The following ADAMTS18 variants were observed in gnomAD, a reference collection of about 807,000 sequenced individuals.
The protein encoded by ADAMTS18 is A disintegrin and metalloproteinase with thrombospondin motifs 18.
ADAMTS18 carries 157 observed loss-of-function variants against 165.9 expected under a neutral mutation model. That is an observed-to-expected ratio of 0.95 (90% confidence interval 0.83 to 1.08). The LOEUF (loss-of-function observed/expected upper bound fraction) is 1.08. Ranked by LOEUF, ADAMTS18 falls within the 50% of genes least tolerant of loss-of-function variation. ADAMTS18 has a pLI of 0.00. For synonymous variants in ADAMTS18, 782 were observed against 578.2 expected (o/e 1.35, Z -5.06); for missense variants, 2,040 against 1,534.0 (o/e 1.33, Z -5.51).
chr16:77,394,534 GTGTGA>G (rs1452393906), intron 3 of ADAMTS18, among the ~76,000 whole-genome samples: 15 of 152,140 alleles, frequency 9.9e-5, no homozygotes, highest in Non-Finnish European at 1.8e-4. Flanking sequence ...TTAGAAATTT[GTGTGA>G]AAAGGAAGTG....
intron 10 of ADAMTS18, among the ~76,000 whole-genome samples, chr16:77,351,142 G>C (rs369454863): frequency 1.9e-4 from 29 of 152,270 alleles, no homozygotes; most frequent in African/African-American, 6.5e-4. Flanking sequence ...GTGGCCATGG[G>C]TTCAAGTTAT....
intron 16 of ADAMTS18, among the ~76,000 whole-genome samples, chr16:77,306,941 C>G (rs962078140): frequency 6.6e-6 from 1 of 152,140 alleles, no homozygotes; most frequent in Admixed American, 6.5e-5. Context: ...TTTGAAACAC[C>G]AAGCCCAGGA....
intron 16 of ADAMTS18, among the ~76,000 whole-genome samples, chr16:77,309,959 T>G (rs1028569871): frequency 1.3e-5 from 2 of 152,240 alleles, no homozygotes; most frequent in Admixed American, 6.5e-5. Flanking sequence ...TTCATTACTT[T>G]AAATGCTATT....
At chr16:77,296,886 A>C (rs2055483844) in intron 18 of ADAMTS18, among the ~76,000 whole-genome samples, 1 of 152,232 alleles carries the variant, frequency 6.6e-6, no homozygotes, top group Non-Finnish European at 1.5e-5. Flanking sequence ...ATAGCCAGTA[A>C]ATTTATTCCT....
chr16:77,408,917 C>T (rs1290129686), intron 3 of ADAMTS18, among the ~76,000 whole-genome samples: 1 of 152,000 alleles, frequency 6.6e-6, no homozygotes, highest in African/African-American at 2.4e-5. Context: ...TTATAAGATA[C>T]ATTGAGAGAA....
At chr16:77,288,108 G>A (rs1027331361) in intron 22 of ADAMTS18, among the ~76,000 whole-genome samples, 6 of 152,054 alleles carry the variant, frequency 3.9e-5, no homozygotes, top group African/African-American at 1.2e-4. Context: ...GCCCATTGTG[G>A]TATTAGGTGC....
intron 3 of ADAMTS18, among the ~76,000 whole-genome samples, chr16:77,375,703 T>C (rs1385422330): frequency 1.3e-5 from 2 of 152,162 alleles, no homozygotes; most frequent in Non-Finnish European, 2.9e-5. Context: ...AGGAAAGGCC[T>C]GGATTCATCG....
At chr16:77,339,082 C>G (rs1052404006) in intron 11 of ADAMTS18, among the ~76,000 whole-genome samples, 6 of 151,966 alleles carry the variant, frequency 3.9e-5, no homozygotes, top group Non-Finnish European at 8.8e-5. Flanking sequence ...GTTCCAGTTA[C>G]AGAGAAACAA....
At chr16:77,370,087 AATAAAGGCC>A (rs1156457853) in intron 3 of ADAMTS18, among the ~76,000 whole-genome samples, 2 of 152,214 alleles carry the variant, frequency 1.3e-5, no homozygotes, top group African/African-American at 2.4e-5. Flanking sequence ...ATCTCAACAC[AATAAAGGCC>A]ATATATGACA....
chr16:77,298,300 T>A (rs1030968391), intron 17 of ADAMTS18, among the ~76,000 whole-genome samples: 12 of 152,190 alleles, frequency 7.9e-5, no homozygotes, highest in African/African-American at 1.9e-4. Flanking sequence ...TATATTTTTT[T>A]AAAAATGTGT....
chr16:77,345,085 A>T (rs1336739006), intron 10 of ADAMTS18, among the ~76,000 whole-genome samples: 3 of 152,192 alleles, frequency 2.0e-5, no homozygotes, highest in Admixed American at 2.0e-4. Flanking sequence ...ACTAGGCAAC[A>T]TTTTAAAGGA....
At chr16:77,358,383 G>C (rs943156069) in intron 8 of ADAMTS18, among the ~76,000 whole-genome samples, 4 of 152,154 alleles carry the variant, frequency 2.6e-5, no homozygotes, top group Middle Eastern at 3.2e-3. Flanking sequence ...CCAACATGGT[G>C]AAACCTCATC....
At chr16:77,383,142 C>T (rs13332200) in intron 3 of ADAMTS18, among the ~76,000 whole-genome samples, 42,026 of 151,832 alleles carry the variant, frequency 0.28, 6,324 homozygotes, top group East Asian at 0.57. Context: ...TCATGTATTG[C>T]CCCAAGCCTA....
intron 3 of ADAMTS18, among the ~76,000 whole-genome samples, chr16:77,410,718 A>C (rs745794473): frequency 6.6e-6 from 1 of 152,160 alleles, no homozygotes; most frequent in Non-Finnish European, 1.5e-5. Flanking sequence ...GTATAAGAAC[A>C]ATAAAATTGA....
At chr16:77,418,607 G>A (rs572369158) in intron 3 of ADAMTS18, among the ~76,000 whole-genome samples, 3 of 152,102 alleles carry the variant, frequency 2.0e-5, no homozygotes, top group Non-Finnish European at 4.4e-5. Context: ...ACCAATGCCC[G>A]ACTGAGAAAC....
chr16:77,339,253 T>C (rs2056361421), intron 11 of ADAMTS18, among the ~76,000 whole-genome samples: 1 of 152,112 alleles, frequency 6.6e-6, no homozygotes, highest in Non-Finnish European at 1.5e-5. Context: ...TAATAATCAT[T>C]ACACGGGAGT....
intron 3 of ADAMTS18, among the ~76,000 whole-genome samples, chr16:77,384,296 T>C (rs1245090479): frequency 6.6e-6 from 1 of 152,218 alleles, no homozygotes; most frequent in Non-Finnish European, 1.5e-5. Context: ...TTCACCATTC[T>C]GATTTACACA....
At chr16:77,289,596 G>C (rs1567454041) in intron 21 of ADAMTS18, 185 bp from the exon 22 acceptor site, 1 of 689,196 alleles carries the variant, frequency 1.5e-6, no homozygotes, top group South Asian at 1.8e-5. Context: ...CCTTTGATCT[G>C]ATTAGAAGGG....
At chr16:77,359,237 G>T in intron 8 of ADAMTS18, 81 bp downstream of exon 8, 3 of 1,246,954 alleles carry the variant, frequency 2.4e-6, no homozygotes, top group Non-Finnish European at 3.5e-6. Flanking sequence ...TTCTGCCTAA[G>T]TCAACAACAA....
Sources: allele counts gnomAD v4.1 joint callset (sites outside exome capture counted in the v4.1 genomes callset), GRCh38; gene constraint gnomAD v4.1.1; transcripts MANE v1.5; gene names NCBI Gene and HGNC (gene_info 2026-07-23, HGNC 2026-07-21).